USP40: variants seen among roughly 807,000 people sequenced by gnomAD.
USP40 encodes ubiquitin specific peptidase 40.
A neutral mutation model predicts 166.2 loss-of-function variants in USP40; 143 were observed. The ratio of observed to expected loss-of-function variants is 0.86; its 90% confidence interval spans 0.75 to 0.99. The LOEUF is 0.99. Ranked by LOEUF, USP40 falls within the 50% of genes least tolerant of loss-of-function variation. The probability of loss-of-function intolerance (pLI) is 0.00; values close to 1 mark genes in which losing one functional copy is unlikely to be tolerated. For missense variants in USP40, 1,444 were observed against 1,479.7 expected, an observed-to-expected ratio of 0.98 and a Z score of 0.40; for synonymous variants, 498 against 524.0, an observed-to-expected ratio of 0.95 and a Z score of 0.68.
At chr2:233,515,668 G>C (rs189376873) in intron 18 of USP40, among the ~76,000 whole-genome samples, 2 of 152,136 alleles carry the variant, frequency 1.3e-5, no homozygotes, top group East Asian at 3.9e-4. Flanking sequence ...GCTTTTTGAA[G>C]AGTAGAAGTT....
Position 233,524,547 on chromosome 2 carries a change from A to T in USP40, c.1826T>A (p.Leu609Gln), listed in dbSNP as rs1404521075. 6.2e-7 allele frequency: 1 copy of T among 1,603,872 alleles called. No individual in the cohort carries two copies. Among genetic ancestry groups the T allele is most frequent in the South Asian group, 1.1e-5 (1 of 88,696 alleles). The change falls in exon 15 of 32, where the codon CTG becomes CAG. Residue 609 changes from leucine (L) to glutamine (Q), a missense_variant. Transcript: ENST00000678225. Reference sequence around the variant, plus strand: ...CCCATCAGCAATTTCAGTTTCACACAGTGTCAGTTCATCCCCTAGAAAGAG... The same window carrying T: ...CCCATCAGCAATTTCAGTTTCACACTGTGTCAGTTCATCCCCTAGAAAGAG... ...YQSLGGDELT[L>Q]CETEIADGED...
intron 16 of USP40, among the ~76,000 whole-genome samples, chr2:233,522,534 G>T (rs888157161): frequency 1.3e-5 from 2 of 152,136 alleles, no homozygotes; most frequent in Admixed American, 1.3e-4. Flanking sequence ...GAGAAAACAG[G>T]GAGCTTGAAG....
At chr2:233,548,268 A>G (rs1487858696) in intron 8 of USP40, among the ~76,000 whole-genome samples, 1 of 152,206 alleles carries the variant, frequency 6.6e-6, no homozygotes, top group African/African-American at 2.4e-5. Flanking sequence ...AAGAGCAACC[A>G]TGAAAGACAT....
chr2:233,565,313 A>C lies in USP40; in HGVS notation c.199+43T>G, dbSNP rs1314521285. On this transcript the variant is annotated intron_variant, in intron 2 of 31. Coordinates refer to ENST00000678225, the MANE Select transcript of USP40 (RefSeq NM_001365479.2). The stretch of plus-strand genomic sequence containing the variant: ...TTGCATAATTAATTACATGTAAAGA[A>C]GATGGTACATATTGCTAGTTAAATG... The C allele has an allele frequency of 5.8e-6, 8 of 1,385,720 alleles. No individual in the cohort carries two copies. The East Asian group carries it at 2.0e-4, about 34-fold the overall frequency. The allele number at this position is 1,385,720 out of a possible 1,614,324, so 85.8% of individuals were successfully genotyped here. A position where few individuals can be genotyped will look rare whatever the true frequency, so the allele number is the denominator to read the frequency against.
chr2:233,556,929 T>C lies in USP40; in HGVS notation c.472A>G (p.Ile158Val), dbSNP rs2071150967. 1 of 1,613,906 alleles carries C rather than the reference T, an allele frequency of 6.2e-7. No individual in the cohort carries two copies. Among genetic ancestry groups the C allele is most frequent in the Non-Finnish European group, 8.5e-7 (1 of 1,179,888 alleles). ...SLVGTSGHDL[I>V]YRLYHGTIVN... ...ATGGTTCCATGGTACAGACGATAGA[T>C]GAGGTCATGACCGGAGGTCCCAACT... Residue 158 changes from isoleucine to valine, a missense_variant, in exon 5 of 32, where the codon ATC becomes GTC. By Grantham distance (29) the Ile-to-Val change is conservative (BLOSUM62 3). Transcript: ENST00000678225.
chr2:233,491,632 G>C (rs5019616), intron 25 of USP40, among the ~76,000 whole-genome samples: 1,421 of 114,572 alleles, frequency 0.012, 8 homozygotes, highest in Non-Finnish European at 0.02. Flanking sequence ...GTGTGTGTGT[G>C]TGTCTGTCTG....
chr2:233,519,447 T>C, intron 18 of USP40, 167 bp downstream of exon 18: 1 of 539,986 alleles, frequency 1.9e-6, no homozygotes, highest in Non-Finnish European at 3.4e-6. Flanking sequence ...TCATTTATAA[T>C]GTTTCAAACA....
rs3816494 is a variant in USP40, at chr2:233,481,637, C to T, written c.3505-340G>A. On this transcript the variant is annotated intron_variant, in intron 30 of 31. Transcript: ENST00000678225. ...CATCAGCACACGGATCTCTCATCGC[C>T]GCGCCAGAAGCACAGCTGTTTACTT... 75 of 289,414 alleles carry T rather than the reference C, an allele frequency of 2.6e-4. No homozygotes were observed. The East Asian group carries it at 6.2e-3, about 24-fold the overall frequency. 17.9% of individuals were successfully genotyped at this position (289,414 alleles called of 1,614,324 possible).
intron 11 of USP40, among the ~76,000 whole-genome samples, chr2:233,532,262 A>G (rs1002901798): frequency 2.6e-5 from 4 of 152,114 alleles, no homozygotes; most frequent in Admixed American, 1.3e-4. Flanking sequence ...ATTGCCAGCT[A>G]TGTCTTCGTT....
At chr2:233,488,188 C>T (rs374056462) in intron 28 of USP40, 51 bp downstream of exon 28, 18 of 1,500,558 alleles carry the variant, frequency 1.2e-5, no homozygotes, top group Admixed American at 1.1e-4. Context: ...AAAAGGCAAA[C>T]GAGGTTAAGA....
At chr2:233,537,484 T>A (rs1192809730) in intron 10 of USP40, among the ~76,000 whole-genome samples, 2 of 152,034 alleles carry the variant, frequency 1.3e-5, no homozygotes, top group Non-Finnish European at 2.9e-5. Context: ...AGAATGTAAA[T>A]AAACACAAGG....
At chr2:233,498,440 T>C in intron 23 of USP40, 108 bp downstream of exon 23, 1 of 959,604 alleles carries the variant, frequency 1.0e-6, no homozygotes, top group Non-Finnish European at 1.5e-6. Flanking sequence ...GATATTTGTA[T>C]CCTATAGAAA....
intron 10 of USP40, among the ~76,000 whole-genome samples, chr2:233,538,272 A>C (rs1477750104): frequency 6.6e-6 from 1 of 152,140 alleles, no homozygotes; most frequent in African/African-American, 2.4e-5. Flanking sequence ...TGAGAGATTC[A>C]AACACAGCCA....
chr2:233,553,274 T>A (rs1395382926), intron 6 of USP40, among the ~76,000 whole-genome samples: 1 of 152,026 alleles, frequency 6.6e-6, no homozygotes, highest in Non-Finnish European at 1.5e-5. Context: ...AAAGAACAAT[T>A]CCATAGTGAG....
At chr2:233,491,466 C>A in intron 25 of USP40, 1 of 579,170 alleles carries the variant, frequency 1.7e-6, no homozygotes, top group South Asian at 2.1e-5. Context: ...GTCTGTGACA[C>A]TTATGCCCCT....
chr2:233,529,192 C>T (rs954709262), intron 12 of USP40, among the ~76,000 whole-genome samples: 4 of 152,220 alleles, frequency 2.6e-5, no homozygotes, highest in African/African-American at 4.8e-5. Flanking sequence ...TGTTAGGCTT[C>T]GATCCCTACT....
intron 28 of USP40, chr2:233,487,852 T>C: frequency 2.2e-6 from 1 of 465,064 alleles, no homozygotes; most frequent in Non-Finnish European, 4.4e-6. Context: ...TACAGATATG[T>C]CAGGTGATAC....
intron 8 of USP40, 151 bp downstream of exon 8, chr2:233,548,950 T>C (rs2125344073): frequency 1.5e-6 from 1 of 685,806 alleles, no homozygotes; most frequent in East Asian, 3.0e-5. Context: ...GAAATAAAAA[T>C]TTAAAACTTG....
intron 8 of USP40, among the ~76,000 whole-genome samples, chr2:233,544,331 G>T (rs1187441176): frequency 6.6e-6 from 1 of 152,144 alleles, no homozygotes; most frequent in Admixed American, 6.5e-5. Flanking sequence ...GCATGAAAAT[G>T]TGTTCACCAA....
Sources: allele counts gnomAD v4.1 joint callset (sites outside exome capture counted in the v4.1 genomes callset), GRCh38; gene constraint gnomAD v4.1.1; transcripts MANE v1.5; gene names NCBI Gene and HGNC (gene_info 2026-07-23, HGNC 2026-07-21).